The following UGT2B4 variants were observed in gnomAD, a reference collection of about 807,000 sequenced individuals.
UGT2B4 encodes the protein UDP glucuronosyltransferase family 2 member B4.
UGT2B4 carries 49 observed loss-of-function variants against 49.8 expected under a neutral mutation model. That is an observed-to-expected ratio of 0.98 (90% CI 0.78 to 1.25). UGT2B4 has a LOEUF of 1.25. Ranked by LOEUF, UGT2B4 falls within the 50% of genes most tolerant of loss-of-function variation. The pLI is 0.00. For missense variants in UGT2B4, 729 were observed against 627.7 expected, an observed-to-expected ratio of 1.16 and a Z score of -1.73; for synonymous variants, 246 against 217.7, an observed-to-expected ratio of 1.13 and a Z score of -1.14.
At position 69,480,655 on chromosome 4, in the gene UGT2B4, TC is replaced by T. The variant is rs2109799325; in HGVS notation, c.1565del (p.Gly522GlufsTer11). ...GTAATTAATCTCTTTTCCCCTTCTTTCCTGTTCTAACAAACTTCCAGACACA... is the reference window on the plus strand; with the variant it reads ...GTAATTAATCTCTTTTCCCCTTCTTTCTGTTCTAACAAACTTCCAGACACA... ...LFCVWKFVRT[G>X]KKGKRD On this transcript the variant is annotated frameshift_variant, in exon 6 of 6. Coordinates refer to ENST00000305107, the MANE Select transcript of UGT2B4 (RefSeq NM_021139.3). LOFTEE classifies it high-confidence loss of function. 6.2e-7 allele frequency: 1 copy of T among 1,614,078 alleles called. No individual in the cohort carries two copies. The highest frequency in any genetic ancestry group is 8.5e-7 in the Non-Finnish European group (1 of 1,179,978).
chr4:69,486,841 A>C lies in UGT2B4; in HGVS notation c.1003-145T>G, dbSNP rs557166428. ...AGACTGATGTAAATAGAATACTCAT[A>C]TTTCATTTCCTTAATTTCATAATTA... On this transcript the variant is annotated intron_variant, in intron 3 of 5. Coordinates refer to ENST00000305107, the MANE Select transcript of UGT2B4 (RefSeq NM_021139.3). 3 of 494,210 alleles carry C rather than the reference A, an allele frequency of 6.1e-6. No individual in the cohort carries two copies. The Admixed American group carries it at 1.1e-4, about 19-fold the overall frequency. 30.6% of individuals were successfully genotyped at this position (494,210 alleles called of 1,614,324 possible).
chr4:69,502,547 C>T (rs1320578448), intron 1 of UGT2B4, among the ~76,000 whole-genome samples: 2 of 152,048 alleles, frequency 1.3e-5, no homozygotes, highest in African/African-American at 2.4e-5. Flanking sequence ...GGAGTGGGCC[C>T]CCAGCATACT....
At chr4:69,492,280 T>A (rs1728010855) in intron 2 of UGT2B4, among the ~76,000 whole-genome samples, 1 of 152,066 alleles carries the variant, frequency 6.6e-6, no homozygotes, top group South Asian at 2.1e-4. Flanking sequence ...ATAGGGTATG[T>A]TTATGCTAAG....
intron 1 of UGT2B4, among the ~76,000 whole-genome samples, chr4:69,512,735 TTTG>T (rs1728637582): frequency 6.6e-6 from 1 of 151,998 alleles, no homozygotes; most frequent in Non-Finnish European, 1.5e-5. Context: ...TGTTTGTTTG[TTTG>T]TTTTGTTTTG....
intron 1 of UGT2B4, among the ~76,000 whole-genome samples, chr4:69,517,348 A>T (rs1728756734): frequency 6.6e-6 from 1 of 152,206 alleles, no homozygotes; most frequent in Non-Finnish European, 1.5e-5. Context: ...AGATATAAGA[A>T]TGATGACCAT....
At chr4:69,520,186 T>C (rs1010742019) in intron 1 of UGT2B4, among the ~76,000 whole-genome samples, 2 of 152,230 alleles carry the variant, frequency 1.3e-5, no homozygotes, top group Non-Finnish European at 2.9e-5. Flanking sequence ...ATATCACATA[T>C]ACTTGACACA....
rs764727376 is a variant in UGT2B4 at position 69,480,857 on chromosome 4, T to C, written c.1364A>G (p.Lys455Arg). The C allele has an allele frequency of 9.3e-5, 150 of 1,613,732 alleles. 1 individual carries two copies. In the East Asian group the frequency reaches 3.3e-3, roughly 35 times the overall value. Residue 455 changes from lysine to arginine, a missense_variant, in exon 6 of 6, where the codon AAG becomes AGG. Lys to Arg is a conservative substitution (Grantham distance 26). Transcript: ENST00000305107. ...LSRIHHDQPV[K>R]PLDRAVFWIE... is the part of the protein sequence containing the mutation. ...CCAGAAGACTGCTCGATCAAGGGGC[T>C]TCACTGGTTGATCATGATGAATTCT... is the stretch of plus-strand genomic sequence containing the variant.
intron 1 of UGT2B4, among the ~76,000 whole-genome samples, chr4:69,524,281 C>T (rs1342198797): frequency 6.6e-6 from 1 of 152,034 alleles, no homozygotes; most frequent in Non-Finnish European, 1.5e-5. Context: ...TTAATAATTT[C>T]CGACTTTTGA....
At chr4:69,500,024 A>G (rs1728260016), upstream of UGT2B4, among the ~76,000 whole-genome samples, 1 of 152,248 alleles carries the variant, frequency 6.6e-6, no homozygotes, top group Non-Finnish European at 1.5e-5. Context: ...GACTGGATAA[A>G]GAAAATGTGG....
At chr4:69,522,723 A>G (rs919682801) in intron 1 of UGT2B4, among the ~76,000 whole-genome samples, 5 of 152,134 alleles carry the variant, frequency 3.3e-5, no homozygotes, top group Admixed American at 6.5e-5. Flanking sequence ...ATGCAATAAC[A>G]TTTGTCACAT....
At position 69,485,426 on chromosome 4, in the gene UGT2B4, A is replaced by G. The variant is rs755351144; in HGVS notation, c.1092T>C (p.Gly364=). Residue 364 remains glycine, a splice_region_variant and synonymous_variant, in exon 5 of 6, where the codon GGT becomes GGC. Transcript: ENST00000305107. ...TTATAAAAGCTCTGGTTTTTGGGTG[A>G]CCTAGGATTGGATGAATTTTAGCAA... The part of the protein sequence containing the change: ...YKWIPQNDLL[G]HPKTRAFITH... 7.0e-5 allele frequency: 113 copies of G among 1,613,624 alleles called. No individual in the cohort carries two copies. Among genetic ancestry groups the G allele is most frequent in the Non-Finnish European group, 9.6e-5 (113 of 1,179,710 alleles).
chr4:69,487,353 T>C (rs1462368237), intron 3 of UGT2B4, among the ~76,000 whole-genome samples: 1 of 152,132 alleles, frequency 6.6e-6, no homozygotes, highest in Non-Finnish European at 1.5e-5. Context: ...TAAATGCCCA[T>C]CAATGATGGA....
In UGT2B4 at chr4:69,525,966, T is replaced by G. The variant is rs556893541; in HGVS notation, c.-385A>C. ...AATACAAAAAATTAGCCAGGCTTGG[T>G]GGCCGGCGCCTGTAGTCCCAGCTAC... On this transcript the variant is annotated 5_prime_UTR_variant, in exon 1 of 2. Transcript: ENST00000510114. 30 of 196,462 alleles carry G rather than the reference T, an allele frequency of 1.5e-4. No homozygotes were observed. The South Asian group carries it at 2.0e-3, about 13-fold the overall frequency. 12.2% of individuals were successfully genotyped at this position (196,462 alleles called of 1,614,324 possible).
At chr4:69,502,866 G>C (rs1728377595) in intron 1 of UGT2B4, among the ~76,000 whole-genome samples, 2 of 152,072 alleles carry the variant, frequency 1.3e-5, no homozygotes, top group African/African-American at 4.8e-5. Context: ...ATCCCCCATG[G>C]ATCCCACACA....
intron 5 of UGT2B4, among the ~76,000 whole-genome samples, chr4:69,481,403 A>C (rs897760068): frequency 2.0e-5 from 3 of 152,228 alleles, no homozygotes; most frequent in African/African-American, 7.2e-5. Context: ...CATCATAGAA[A>C]GTTTGGCTTT....
intron 1 of UGT2B4, among the ~76,000 whole-genome samples, chr4:69,512,385 C>T (rs1374524774): frequency 1.3e-5 from 2 of 151,548 alleles, no homozygotes; most frequent in South Asian, 2.1e-4. Context: ...TTTTCTTTTT[C>T]ACTTGCTCTT....
intron 1 of UGT2B4, among the ~76,000 whole-genome samples, chr4:69,509,284 G>A (rs1457182734): frequency 6.7e-6 from 1 of 149,330 alleles, no homozygotes; most frequent in Non-Finnish European, 1.5e-5. Flanking sequence ...CAATTCTCCT[G>A]CGTCAGCCTC....
At chr4:69,482,364 G>C (rs945077521) in intron 5 of UGT2B4, among the ~76,000 whole-genome samples, 1 of 152,112 alleles carries the variant, frequency 6.6e-6, no homozygotes, top group Non-Finnish European at 1.5e-5. Flanking sequence ...TAACATAAGT[G>C]TACATACGCT....
At chr4:69,518,225 G>A in intron 1 of UGT2B4, 1 of 153,706 alleles carries the variant, frequency 6.5e-6, no homozygotes, top group Non-Finnish European at 1.5e-5. Context: ...AAGCCTGTGT[G>A]TGTGAGTCAA....
Sources: gnomAD v4.1 joint callset for allele counts (sites outside exome capture counted in the v4.1 genomes callset) on GRCh38, gnomAD v4.1.1 for gene constraint, MANE v1.5 for transcripts, NCBI Gene and HGNC (gene_info 2026-07-23, HGNC 2026-07-21) for gene names.